The following FAM120B variants were observed in gnomAD, a reference collection of about 807,000 sequenced individuals.
FAM120B encodes constitutive coactivator of peroxisome proliferator-activated receptor gamma.
A neutral mutation model predicts 96.3 loss-of-function variants in FAM120B; 83 were observed. The observed-to-expected ratio is 0.86, with a 90% CI of 0.72 to 1.03. The LOEUF (loss-of-function observed/expected upper bound fraction) is 1.03. Ranked by LOEUF, FAM120B falls within the 50% of genes least tolerant of loss-of-function variation. The probability of loss-of-function intolerance (pLI) is 0.00; values close to 1 mark genes in which losing one functional copy is unlikely to be tolerated. For synonymous variants in FAM120B, 407 were observed against 402.7 expected (o/e 1.01, Z -0.13); for missense variants, 1,027 against 1,121.2 (o/e 0.92, Z 1.20).
At chr6:170,404,451 C>G in intron 9 of FAM120B, 99 bp from the exon 10 acceptor site, 2 of 1,036,158 alleles carry the variant, frequency 1.9e-6, no homozygotes, top group South Asian at 1.4e-5. Context: ...CCAAATACAG[C>G]TCAGCATCTT....
chr6:170,293,974 G>A (rs1783943041), upstream of FAM120B, among the ~76,000 whole-genome samples: 1 of 152,098 alleles, frequency 6.6e-6, no homozygotes, highest in African/African-American at 2.4e-5. Context: ...GAAGACAAGG[G>A]GAGCCCTTAG....
intron 2 of FAM120B, among the ~76,000 whole-genome samples, chr6:170,322,869 G>A (rs887316569): frequency 6.6e-6 from 1 of 152,000 alleles, no homozygotes; most frequent in Non-Finnish European, 1.5e-5. Flanking sequence ...TAGACGTTTG[G>A]AGAGAGGAGG....
At chr6:170,402,065 C>G (rs1266363382) in intron 9 of FAM120B, among the ~76,000 whole-genome samples, 1 of 152,270 alleles carries the variant, frequency 6.6e-6, no homozygotes, top group Non-Finnish European at 1.5e-5. Context: ...GCTTCAGTCC[C>G]TCATCATCTT....
At chr6:170,369,471 T>C (rs1380335256) in intron 6 of FAM120B, among the ~76,000 whole-genome samples, 4 of 152,174 alleles carry the variant, frequency 2.6e-5, no homozygotes, top group Non-Finnish European at 5.9e-5. Context: ...AAATGTGATC[T>C]CTATGAGGAA....
intron 3 of FAM120B, among the ~76,000 whole-genome samples, chr6:170,330,161 T>C (rs1434537837): frequency 1.3e-5 from 2 of 152,196 alleles, no homozygotes; most frequent in African/African-American, 2.4e-5. Flanking sequence ...AAAGACATCG[T>C]AGGAGTCATT....
chr6:170,301,675 A>T (rs935617374), intron 1 of FAM120B, among the ~76,000 whole-genome samples: 3 of 152,144 alleles, frequency 2.0e-5, no homozygotes, highest in Non-Finnish European at 4.4e-5. Context: ...CATCTCTCTC[A>T]AGTGCAAAGT....
intron 1 of FAM120B, among the ~76,000 whole-genome samples, chr6:170,311,580 G>T (rs1000492098): frequency 1.3e-5 from 2 of 152,174 alleles, no homozygotes; most frequent in Non-Finnish European, 2.9e-5. Context: ...CCTCTCCTCA[G>T]GGTTTGTCTT....
intron 1 of FAM120B, among the ~76,000 whole-genome samples, chr6:170,308,844 A>T (rs1784436772): frequency 6.6e-6 from 1 of 152,210 alleles, no homozygotes; most frequent in African/African-American, 2.4e-5. Flanking sequence ...ACAAAATGTG[A>T]ATGAATGGAA....
At chr6:170,309,944 A>C (rs954836896) in intron 1 of FAM120B, among the ~76,000 whole-genome samples, 2 of 152,236 alleles carry the variant, frequency 1.3e-5, no homozygotes, top group Non-Finnish European at 2.9e-5. Flanking sequence ...TGTGATGTGA[A>C]TAGTAATGTT....
At chr6:170,298,087 A>G (rs923720243) in intron 1 of FAM120B, 8 of 152,238 alleles carry the variant, frequency 5.3e-5, no homozygotes, top group African/African-American at 1.4e-4. Flanking sequence ...TGGACTCACA[A>G]TGCACATGGA....
upstream of FAM120B, chr6:170,291,156 GC>G (rs1190262539): frequency 1.5e-5 from 6 of 387,390 alleles, no homozygotes; most frequent in East Asian, 6.7e-5. Flanking sequence ...CCCGCCCCCA[GC>G]CCCCCCTTCC....
intron 3 of FAM120B, among the ~76,000 whole-genome samples, chr6:170,329,521 G>C (rs993241333): frequency 2.6e-5 from 4 of 152,112 alleles, no homozygotes; most frequent in Non-Finnish European, 4.4e-5. Flanking sequence ...CCGCGGTCCT[G>C]TGGCATCACA....
Position 170,295,334 on chromosome 6 carries a change from G to A in FAM120B, c.-72G>A. On this transcript the variant is annotated 5_prime_UTR_variant, in exon 1 of 11. Coordinates refer to the FAM120B transcript ENST00000537664. This position sits in a 1 kb window ranked among gnomAD's most constrained non-coding sequence, Gnocchi z 7.8. The stretch of plus-strand genomic sequence containing the variant: ...AGATGTGTTCACACTCGGTTGCCGC[G>A]CGTGGACTTACAAGCCCACGAAGCC... 1 of 696,972 alleles carries A rather than the reference G, an allele frequency of 1.4e-6. No homozygotes were observed. The highest frequency in any genetic ancestry group is 2.6e-6 in the Non-Finnish European group (1 of 382,326). The allele number at this position is 696,972 out of a possible 1,614,324, so 43.2% of individuals were successfully genotyped here.
At chr6:170,315,336 CA>C (rs1163274566) in intron 1 of FAM120B, among the ~76,000 whole-genome samples, 1 of 152,160 alleles carries the variant, frequency 6.6e-6, no homozygotes, top group East Asian at 1.9e-4. Flanking sequence ...CCATTTTGAC[CA>C]ACCTTTTTTG....
chr6:170,327,984 T>C (rs1317610188), intron 3 of FAM120B, among the ~76,000 whole-genome samples: 6 of 152,258 alleles, frequency 3.9e-5, no homozygotes, highest in Admixed American at 1.3e-4. Flanking sequence ...GACCATACAC[T>C]GCTGTAGGTT....
At chr6:170,344,669 A>G (rs1787061731) in intron 4 of FAM120B, among the ~76,000 whole-genome samples, 2 of 152,232 alleles carry the variant, frequency 1.3e-5, no homozygotes, top group Admixed American at 1.3e-4. Flanking sequence ...CTGGAGTCCC[A>G]GTCACCTCAG....
At chr6:170,389,722 G>A (rs1790382714) in intron 7 of FAM120B, among the ~76,000 whole-genome samples, 1 of 152,010 alleles carries the variant, frequency 6.6e-6, no homozygotes, top group African/African-American at 2.4e-5. Context: ...ACCATGCCCA[G>A]CTAATTTTTG....
upstream of FAM120B, chr6:170,290,891 G>C: frequency 1.4e-6 from 1 of 690,800 alleles, no homozygotes; most frequent in South Asian, 1.5e-5. The surrounding 1 kb of genome is among the most constrained non-coding windows in gnomAD (Gnocchi z 4.7). Flanking sequence ...CTCTGCCCTC[G>C]GCCGGGTCGG....
intron 9 of FAM120B, among the ~76,000 whole-genome samples, chr6:170,400,436 A>T (rs1778502597): frequency 1.3e-5 from 2 of 152,152 alleles, no homozygotes; most frequent in African/African-American, 4.8e-5. Flanking sequence ...GCTTTTCTTT[A>T]TTTCTTTCAT....
Sources: gnomAD v4.1 joint callset for allele counts (sites outside exome capture counted in the v4.1 genomes callset) on GRCh38, gnomAD v4.1.1 for gene constraint, Gnocchi (gnomAD v3.1) non-coding constraint, MANE v1.5 for transcripts, NCBI Gene and HGNC (gene_info 2026-07-23, HGNC 2026-07-21) for gene names.